The following NDUFAB1 variants were observed in gnomAD, a reference collection of about 807,000 sequenced individuals.
The protein encoded by NDUFAB1 is acyl carrier protein, mitochondrial.
NDUFAB1 carries 5 observed loss-of-function variants against 16.1 expected under a neutral mutation model. That is an observed-to-expected ratio of 0.31 (90% CI 0.16 to 0.65). NDUFAB1 has a LOEUF of 0.65. Among genes scored for constraint, NDUFAB1 ranks in the 30% least tolerant of loss-of-function variants. The pLI is 0.77. For missense variants in NDUFAB1, 187 were observed against 205.3 expected (o/e 0.91, Z 0.54); for synonymous variants, 85 against 78.4 (o/e 1.08, Z -0.44).
intron 2 of NDUFAB1, among the ~76,000 whole-genome samples, chr16:23,586,001 C>T (rs150519751): frequency 7.5e-4 from 115 of 152,336 alleles, no homozygotes; most frequent in African/African-American, 2.7e-3. Flanking sequence ...GATCTCGGCT[C>T]ACTGCAAACT....
At chr16:23,581,344 G>A (rs780112281) in intron 4 of NDUFAB1, among the ~76,000 whole-genome samples, 171 bp from the exon 5 acceptor site, 7 of 152,102 alleles carry the variant, frequency 4.6e-5, no homozygotes, top group East Asian at 1.9e-4. Context: ...TCAGGAGTTC[G>A]AGACCAGCCT....
intron 1 of NDUFAB1, among the ~76,000 whole-genome samples, chr16:23,594,854 CTT>C (rs1966310164): frequency 6.6e-6 from 1 of 152,130 alleles, no homozygotes; most frequent in African/African-American, 2.4e-5. Flanking sequence ...AAGTCTATGA[CTT>C]TGAAAAGGGG....
chr16:23,587,219 T>C lies in NDUFAB1; in HGVS notation c.269A>G (p.Tyr90Cys), dbSNP rs371889704. Residue 90 changes from tyrosine (Y) to cysteine (C), a missense_variant, in exon 2 of 5, where the codon TAT (tyrosine) becomes TGT (cysteine). Tyr to Cys is a radical substitution (Grantham distance 194, BLOSUM62 -2). Coordinates refer to ENST00000007516, the MANE Select transcript of NDUFAB1 (RefSeq NM_005003.3). ...TACCTTCTCTGGGTCAATCTTGTCATAGAGTTTCAATACGTAAAGAACACG... is the reference window on the plus strand; with the variant it reads ...TACCTTCTCTGGGTCAATCTTGTCACAGAGTTTCAATACGTAAAGAACACG... ...QDRVLYVLKL[Y>C]DKIDPEKLSV... is the part of the protein sequence containing the mutation. 3 of 1,613,896 alleles carry C rather than the reference T, an allele frequency of 1.9e-6. No homozygotes were observed. Among genetic ancestry groups the C allele is most frequent in the African/African-American group, 2.7e-5 (2 of 75,006 alleles).
intron 1 of NDUFAB1, 95 bp downstream of exon 1, chr16:23,596,028 G>A (rs1966322665): frequency 6.9e-7 from 1 of 1,443,608 alleles, no homozygotes; most frequent in African/African-American, 1.5e-5. Flanking sequence ...GGTCACCCCT[G>A]CCTGCAGCTG....
chr16:23,586,119 G>T (rs911236644), intron 2 of NDUFAB1, among the ~76,000 whole-genome samples: 5 of 152,018 alleles, frequency 3.3e-5, no homozygotes, highest in African/African-American at 9.6e-5. Flanking sequence ...GTAGAGACGG[G>T]GTTTCACCAT....
chr16:23,584,288 C>T (rs541325215), intron 3 of NDUFAB1, among the ~76,000 whole-genome samples: 3 of 99,940 alleles, frequency 3.0e-5, no homozygotes, highest in Non-Finnish European at 6.4e-5. Context: ...ACCCAGTGCC[C>T]GTCAGCAGTC....
At chr16:23,587,494 G>T (rs1966243978) in intron 1 of NDUFAB1, among the ~76,000 whole-genome samples, 175 bp from the exon 2 acceptor site, 1 of 152,196 alleles carries the variant, frequency 6.6e-6, no homozygotes, top group Non-Finnish European at 1.5e-5. Flanking sequence ...AATCGCAGAA[G>T]CCCCAACAGT....
In NDUFAB1 at chr16:23,596,261, G is replaced by A. The variant is rs1405472397; in HGVS notation, c.30C>T (p.Val10=). 4 of 1,589,128 alleles carry A rather than the reference G, an allele frequency of 2.5e-6. No individual in the cohort carries two copies. The highest frequency in any genetic ancestry group is 1.8e-5 in the Admixed American group (1 of 56,530). ...GCGCAAAGGCCGCGGGCAGGCGGCT[G>A]ACATAGGCTGAAAGGACACGAGACG... MASRVLSAY[V]SRLPAAFAPL... is the part of the protein sequence containing the mutation. The change falls in exon 1 of 5, where the codon GTC becomes GTT. Residue 10 remains valine, a synonymous_variant. Transcript: ENST00000007516.
In NDUFAB1 at chr16:23,589,942, G is replaced by GAA. The variant is rs57098255; in HGVS notation, c.169-2625_169-2624dup. ...CAGGGTGAGACTCTGTCTCCAAAAA[G>GAA]AAAAAAAAAAAAAAAAAAAAAAAGA... On this transcript the variant is annotated intron_variant, in intron 1 of 4. Coordinates refer to ENST00000007516, the MANE Select transcript of NDUFAB1 (RefSeq NM_005003.3). 8.4e-3 allele frequency among the ~76,000 whole-genome samples: 594 copies of GAA among 70,496 alleles called. 6 individuals are homozygous for GAA. Among genetic ancestry groups the GAA allele is most frequent in the African/African-American group, 0.025 (559 of 22,202 alleles). The allele number at this position is 70,496 out of a possible 152,430, so 46.2% of individuals were successfully genotyped here.
intron 1 of NDUFAB1, among the ~76,000 whole-genome samples, chr16:23,589,547 T>A (rs987378803): frequency 1.3e-5 from 2 of 151,730 alleles, no homozygotes; most frequent in Non-Finnish European, 2.9e-5. Flanking sequence ...AAGAAAGGAA[T>A]AAAGAGAAAG....
intron 1 of NDUFAB1, among the ~76,000 whole-genome samples, chr16:23,588,113 A>G (rs1343363049): frequency 1.3e-5 from 2 of 152,244 alleles, no homozygotes; most frequent in Non-Finnish European, 2.9e-5. Flanking sequence ...TACGACGCAG[A>G]ATCAGAGAAA....
intron 1 of NDUFAB1, among the ~76,000 whole-genome samples, chr16:23,589,096 G>A (rs1174556513): frequency 5.9e-5 from 9 of 151,874 alleles, no homozygotes; most frequent in African/African-American, 1.9e-4. Flanking sequence ...TCAGGAGTTC[G>A]ACACTAGCCT....
intron 2 of NDUFAB1, among the ~76,000 whole-genome samples, chr16:23,586,845 T>TACA (rs1335165623): frequency 3.3e-5 from 5 of 151,416 alleles, no homozygotes; most frequent in Non-Finnish European, 1.5e-5. Flanking sequence ...ATGAAGTTTC[T>TACA]ACATGTTAGT....
intron 1 of NDUFAB1, 97 bp from the exon 2 acceptor site, chr16:23,587,416 C>CTT: frequency 7.0e-7 from 1 of 1,436,080 alleles, no homozygotes; most frequent in Non-Finnish European, 9.4e-7. Context: ...ACTTTCGGGG[C>CTT]TTTAGAGAAC....
chr16:23,588,054 T>C (rs768614685), intron 1 of NDUFAB1, among the ~76,000 whole-genome samples: 14 of 152,192 alleles, frequency 9.2e-5, no homozygotes, highest in Non-Finnish European at 1.3e-4. Flanking sequence ...ATTCAACAAA[T>C]GTGGAATGAG....
At chr16:23,594,543 G>A (rs1408473275) in intron 1 of NDUFAB1, among the ~76,000 whole-genome samples, 4 of 151,442 alleles carry the variant, frequency 2.6e-5, no homozygotes, top group Non-Finnish European at 5.9e-5. Flanking sequence ...TAGTAGAGAC[G>A]GGGTTTCACT....
At chr16:23,584,255 T>TA (rs58853102) in intron 3 of NDUFAB1, among the ~76,000 whole-genome samples, 1,298 of 34,044 alleles carry the variant, frequency 0.038, 236 homozygotes, top group Admixed American at 0.14. Context: ...AATGATCAAT[T>TA]AAAAAAAAAA....
At chr16:23,596,082 C>T (rs1431318692) in intron 1 of NDUFAB1, 41 bp downstream of exon 1, 3 of 1,594,808 alleles carry the variant, frequency 1.9e-6, no homozygotes, top group Non-Finnish European at 1.7e-6. Flanking sequence ...GGGCCCAATC[C>T]CTGACCCTTG....
chr16:23,588,222 C>A (rs1385434517), intron 1 of NDUFAB1, among the ~76,000 whole-genome samples: 1 of 152,028 alleles, frequency 6.6e-6, no homozygotes, highest in Non-Finnish European at 1.5e-5. Flanking sequence ...TGGGAGGCCA[C>A]GGTGAGCAGA....
Sources: allele counts gnomAD v4.1 joint callset (sites outside exome capture counted in the v4.1 genomes callset), GRCh38; gene constraint gnomAD v4.1.1; transcripts MANE v1.5; gene names NCBI Gene and HGNC (gene_info 2026-07-23, HGNC 2026-07-21).